The following FBXO15 variants were observed in gnomAD, a reference collection of about 807,000 sequenced individuals.
FBXO15 encodes F-box protein 15.
FBXO15 carries 30 observed loss-of-function variants against 49.5 expected under a neutral mutation model. The ratio of observed to expected loss-of-function variants is 0.61; its 90% CI spans 0.45 to 0.82. The LOEUF (loss-of-function observed/expected upper bound fraction) is 0.82, where lower values mean the gene tolerates loss of function less well. Ranked by LOEUF, FBXO15 falls within the 40% of genes least tolerant of loss-of-function variation. The pLI, the probability that FBXO15 is intolerant of heterozygous loss-of-function variation, is 0.00. For synonymous variants in FBXO15, 250 were observed against 232.7 expected (o/e 1.07, Z -0.68); for missense variants, 591 against 631.5 (o/e 0.94, Z 0.69).
chr18:74,146,805 T>C (rs1979447925), intron 1 of FBXO15, among the ~76,000 whole-genome samples: 1 of 152,152 alleles, frequency 6.6e-6, no homozygotes, highest in Non-Finnish European at 1.5e-5. Context: ...GTTCAACTAG[T>C]ATGTAATAGA....
chr18:74,091,312 A>G (rs180981082), intron 8 of FBXO15, among the ~76,000 whole-genome samples: 1 of 152,270 alleles, frequency 6.6e-6, no homozygotes, highest in East Asian at 1.9e-4. Flanking sequence ...GGTGTCCCGA[A>G]GACAGCAAAC....
At chr18:74,140,142 T>G in intron 2 of FBXO15, 60 bp downstream of exon 2, 1 of 1,402,666 alleles carries the variant, frequency 7.1e-7, no homozygotes, top group South Asian at 1.3e-5. Flanking sequence ...CATCATAACT[T>G]TCTCTAATAA....
At chr18:74,094,547 G>T (rs1330698397) in intron 8 of FBXO15, among the ~76,000 whole-genome samples, 2 of 152,126 alleles carry the variant, frequency 1.3e-5, no homozygotes, top group South Asian at 2.1e-4. Flanking sequence ...TTAGCAATGT[G>T]AGAACAGACT....
intron 8 of FBXO15, among the ~76,000 whole-genome samples, chr18:74,102,569 A>C (rs1913570194): frequency 6.6e-6 from 1 of 152,334 alleles, no homozygotes; most frequent in Non-Finnish European, 1.5e-5. Context: ...AACTAAAAGT[A>C]GAACTACCAT....
intron 5 of FBXO15, among the ~76,000 whole-genome samples, chr18:74,127,909 T>G (rs1978295343): frequency 6.6e-6 from 1 of 152,202 alleles, no homozygotes; most frequent in Admixed American, 6.5e-5. Flanking sequence ...TCCTAATATC[T>G]GTAAGTAACA....
chr18:74,088,189 G>T (rs991770145), intron 8 of FBXO15, among the ~76,000 whole-genome samples: 1 of 152,256 alleles, frequency 6.6e-6, no homozygotes, highest in East Asian at 1.9e-4. Flanking sequence ...TTCTTTTGCT[G>T]TGCAGAAGCT....
At chr18:74,128,867 C>T (rs917119634) in intron 5 of FBXO15, among the ~76,000 whole-genome samples, 26 of 152,140 alleles carry the variant, frequency 1.7e-4, no homozygotes, top group African/African-American at 5.3e-4. Context: ...ATCTTTTGAT[C>T]GATCTTATTC....
intron 8 of FBXO15, chr18:74,097,844 C>T (rs1340416627): frequency 6.6e-6 from 1 of 152,264 alleles, no homozygotes; most frequent in African/African-American, 2.4e-5. Flanking sequence ...CAACTAAGGA[C>T]CCTTGCAGAG....
intron 8 of FBXO15, among the ~76,000 whole-genome samples, chr18:74,116,524 T>C (rs72972557): frequency 0.087 from 13,312 of 152,250 alleles, 821 homozygotes; most frequent in Admixed American, 0.2. Flanking sequence ...TCTGGCTCTA[T>C]TAATAAATTA....
intron 8 of FBXO15, among the ~76,000 whole-genome samples, chr18:74,092,526 G>A (rs986109879): frequency 6.6e-6 from 1 of 152,154 alleles, no homozygotes; most frequent in Admixed American, 6.5e-5. Context: ...AATCTTCGAA[G>A]TTGCTGTCCT....
At chr18:74,137,211 CCATT>C (rs1978776396) in intron 2 of FBXO15, among the ~76,000 whole-genome samples, 1 of 152,156 alleles carries the variant, frequency 6.6e-6, no homozygotes, top group Non-Finnish European at 1.5e-5. Flanking sequence ...AAAACCCCTC[CCATT>C]CAGAGTCAAT....
chr18:74,144,260 A>T (rs556023986), intron 1 of FBXO15, among the ~76,000 whole-genome samples: 37 of 152,334 alleles, frequency 2.4e-4, no homozygotes, highest in Middle Eastern at 3.4e-3. Context: ...AGAGACACCA[A>T]GGTTTAACAG....
At chr18:74,078,504 C>G (rs1912351405) in intron 9 of FBXO15, 1 of 152,896 alleles carries the variant, frequency 6.5e-6, no homozygotes, top group African/African-American at 2.4e-5. Context: ...TGCCCCTCAC[C>G]TCTAGAAGCT....
intron 9 of FBXO15, 112 bp downstream of exon 9, chr18:74,081,815 A>T: frequency 1.3e-6 from 1 of 784,998 alleles, no homozygotes; most frequent in South Asian, 3.0e-5. Flanking sequence ...TAAATCCAGA[A>T]CTATAAAAGA....
intron 2 of FBXO15, 121 bp from the exon 3 acceptor site, chr18:74,135,987 G>A (rs979828111): frequency 7.5e-6 from 5 of 667,262 alleles, no homozygotes; most frequent in African/African-American, 5.5e-5. Context: ...GACCCCTCCT[G>A]TACAAGAGGC....
At position 74,124,404 on chromosome 18, in the gene FBXO15, T is replaced by G. The variant is rs1349462565; in HGVS notation, c.995+85A>C. 3.7e-6 allele frequency: 4 copies of G among 1,090,062 alleles called. No individual in the cohort carries two copies. The Admixed American group carries it at 7.5e-5, about 21-fold the overall frequency. The allele number at this position is 1,090,062 out of a possible 1,614,324, so 67.5% of individuals were successfully genotyped here. A position where few individuals can be genotyped will look rare whatever the true frequency, so the allele number is the denominator to read the frequency against. ...TAAAAACAGAATATCTCTGCAGCTA[T>G]TCTCAGGATATTAAGATGGCATCAA... On this transcript the variant is annotated intron_variant, in intron 7 of 9. Coordinates refer to ENST00000419743, the MANE Select transcript of FBXO15 (RefSeq NM_001142958.2).
chr18:74,084,405 C>A (rs780974019), intron 8 of FBXO15, among the ~76,000 whole-genome samples: 4 of 152,238 alleles, frequency 2.6e-5, no homozygotes, highest in African/African-American at 4.8e-5. Context: ...GAAGAGCCAT[C>A]TGCTGGCAGA....
At chr18:74,136,991 A>C (rs1013183387) in intron 2 of FBXO15, among the ~76,000 whole-genome samples, 3 of 152,240 alleles carry the variant, frequency 2.0e-5, no homozygotes, top group African/African-American at 7.2e-5. Context: ...GGTGTTTCAC[A>C]GGAAAATAAT....
intron 5 of FBXO15, among the ~76,000 whole-genome samples, chr18:74,129,073 C>T (rs1978307591): frequency 6.6e-6 from 1 of 152,004 alleles, no homozygotes; most frequent in African/African-American, 2.4e-5. Context: ...ATACCATTTA[C>T]TAAAGAAGGA....
Sources: allele counts gnomAD v4.1 joint callset (sites outside exome capture counted in the v4.1 genomes callset), GRCh38; gene constraint gnomAD v4.1.1; transcripts MANE v1.5; gene names NCBI Gene and HGNC (gene_info 2026-07-23, HGNC 2026-07-21).